The following FNTB variants were observed in gnomAD, a reference collection of about 807,000 sequenced individuals.
FNTB encodes the protein farnesyltransferase, CAAX box, subunit beta.
In FNTB, 27 loss-of-function variants were observed where a neutral mutation model predicts 59.4. That is an observed-to-expected ratio of 0.45 (90% CI 0.34 to 0.63). FNTB has a LOEUF of 0.63. Ranked by LOEUF, FNTB falls within the 20% of genes least tolerant of loss-of-function variation. The pLI, the probability that FNTB is intolerant of heterozygous loss-of-function variation, is 0.02. For missense variants in FNTB, 449 were observed against 559.6 expected (o/e 0.80, Z 1.99); for synonymous variants, 230 against 220.7 (o/e 1.04, Z -0.37).
intron 3 of FNTB, among the ~76,000 whole-genome samples, chr14:65,013,859 T>C (rs894013490): frequency 1.3e-5 from 2 of 152,214 alleles, no homozygotes; most frequent in African/African-American, 2.4e-5. Context: ...CATTCTCTTA[T>C]TTAAATCTTG....
chr14:64,996,883 A>G (rs1888416984), intron 1 of FNTB, among the ~76,000 whole-genome samples: 1 of 149,770 alleles, frequency 6.7e-6, no homozygotes, highest in Admixed American at 6.8e-5. Context: ...CACCCTTCCC[A>G]GAAGCAGCCC....
rs139766498 is a variant in FNTB at position 65,045,777 on chromosome 14, C to T, written c.955+1334C>T. On this transcript the variant is annotated intron_variant, in intron 9 of 11. Coordinates refer to ENST00000246166, the MANE Select transcript of FNTB (RefSeq NM_002028.4). ...GTTGTTGAGTTGTGACCATTTCTGACACTGAATTAAAGTAAGCAGAGCCTC... is the reference window on the plus strand; with the variant it reads ...GTTGTTGAGTTGTGACCATTTCTGATACTGAATTAAAGTAAGCAGAGCCTC... 7.1e-3 allele frequency among the ~76,000 whole-genome samples: 1,084 copies of T among 152,208 alleles called. 13 individuals carry two copies. Among genetic ancestry groups the T allele is most frequent in the African/African-American group, 0.025 (1,020 of 41,508 alleles).
rs943919482 is a variant in FNTB, at chr14:64,990,763, A to T, written c.144+3666A>T. Among the ~76,000 whole-genome samples, 4 of 152,162 alleles carry T rather than the reference A, an allele frequency of 2.6e-5. No individual in the cohort carries two copies. Among genetic ancestry groups the T allele is most frequent in the African/African-American group, 9.7e-5 (4 of 41,438 alleles). ...TCATTTAGGTTACTGTCAAGAGTAG[A>T]TGGTGGGGAGTGAGGGTGGATACAG... On this transcript the variant is annotated intron_variant, in intron 1 of 11. Coordinates refer to ENST00000246166, the MANE Select transcript of FNTB (RefSeq NM_002028.4). This position sits in a 1 kb window ranked among gnomAD's most constrained non-coding sequence, Gnocchi z 5.2.
At chr14:65,058,385 A>T (rs1355127857) in intron 11 of FNTB, among the ~76,000 whole-genome samples, 1 of 152,074 alleles carries the variant, frequency 6.6e-6, no homozygotes, top group Non-Finnish European at 1.5e-5. Context: ...AATATTTATA[A>T]ATCTTGTGTC....
rs2062342408 is a variant in FNTB at position 65,041,066 on chromosome 14, T to C, written c.822+147T>C. On this transcript the variant is annotated intron_variant, in intron 8 of 11. Transcript: ENST00000246166. ...CAACACAGAGGAAGGAGTGAGCAGC[T>C]GCTCTGTCTTGGCTCCCCCTTCTGC... The C allele has an allele frequency of 1.3e-5, 18 of 1,348,864 alleles. No individual in the cohort carries two copies. The Middle Eastern group carries it at 6.4e-4, about 48-fold the overall frequency. 83.6% of individuals were successfully genotyped at this position (1,348,864 alleles called of 1,614,324 possible).
At chr14:65,022,387 A>G (rs2061905772) in intron 4 of FNTB, among the ~76,000 whole-genome samples, 1 of 151,810 alleles carries the variant, frequency 6.6e-6, no homozygotes, top group Non-Finnish European at 1.5e-5. Flanking sequence ...TCTAGTGCTG[A>G]AGTTTTTTAT....
At position 65,055,985 on chromosome 14, in the gene FNTB, GT is replaced by G. The variant is rs200188229; in HGVS notation, c.1182+1304del. The stretch of plus-strand genomic sequence containing the variant: ...TTGCCTCTTATGTAGCCCTCTTCCA[GT>G]TTTTTTTCCTCCCTCCTTCTCCAGA... On this transcript the variant is annotated intron_variant, in intron 11 of 11. Coordinates refer to ENST00000246166, the MANE Select transcript of FNTB (RefSeq NM_002028.4). Among the ~76,000 whole-genome samples the G allele has an allele frequency of 4.2e-3, 636 of 152,020 alleles. 10 individuals are homozygous for G. Among genetic ancestry groups the G allele is most frequent in the East Asian group, 0.04 (209 of 5,174 alleles).
In FNTB at chr14:65,029,269, AT is replaced by A; in HGVS notation, c.605+1493del. On this transcript the variant is annotated intron_variant, in intron 6 of 11. Transcript: ENST00000246166. The surrounding 1 kb of genome is among the most constrained non-coding windows in gnomAD (Gnocchi z 4.7). ...TGGTTTCTAGTACCCCGATTCCATC[AT>A]TTTTCACTTGGCATTTCTTTCATTG... 6.6e-6 allele frequency among the ~76,000 whole-genome samples: 1 copy of A among 152,274 alleles called. No homozygotes were observed. The highest frequency in any genetic ancestry group is 2.1e-4 in the South Asian group (1 of 4,822).
At chr14:65,051,631 A>G (rs1221380413) in intron 9 of FNTB, among the ~76,000 whole-genome samples, 3 of 151,806 alleles carry the variant, frequency 2.0e-5, no homozygotes, top group African/African-American at 7.3e-5. Flanking sequence ...AAAAAAAAGG[A>G]AATATTCAAC....
Position 65,023,920 on chromosome 14 carries a change from G to A in FNTB, c.375-3533G>A, listed in dbSNP as rs746476588. On this transcript the variant is annotated intron_variant, in intron 4 of 11. Transcript: ENST00000246166. This position sits in a 1 kb window ranked among gnomAD's most constrained non-coding sequence, Gnocchi z 4.1. ...GTTCGAGACCAGCCTGGGCAACACA[G>A]TGAAACCCTGACTCTACTAAAAAAT... Among the ~76,000 whole-genome samples the A allele has an allele frequency of 6.6e-6, 1 of 152,116 alleles. No individual in the cohort carries two copies. Among genetic ancestry groups the A allele is most frequent in the Non-Finnish European group, 1.5e-5 (1 of 68,026 alleles).
At chr14:65,019,412 G>A (rs1013735494) in intron 4 of FNTB, among the ~76,000 whole-genome samples, 2 of 151,448 alleles carry the variant, frequency 1.3e-5, no homozygotes, top group African/African-American at 4.9e-5. Flanking sequence ...GCTTGAATCC[G>A]GGAGGCAGAG....
At chr14:65,022,124 G>C (rs913783948) in intron 4 of FNTB, 13 of 454,316 alleles carry the variant, frequency 2.9e-5, no homozygotes, top group Non-Finnish European at 5.3e-5. Context: ...ACCTAGGGAA[G>C]GAGATTTCCT....
Position 64,987,091 on chromosome 14 carries a change from A to C in FNTB, c.138A>C (p.Ile46=), listed in dbSNP as rs759929939. 2 of 1,614,202 alleles carry C rather than the reference A, an allele frequency of 1.2e-6. No homozygotes were observed. Among genetic ancestry groups the C allele is most frequent in the Non-Finnish European group, 1.7e-6 (2 of 1,180,034 alleles). ...ACTCGGTGGAAACAGTCACGTCCATAGAACAGGTGAGGTGGCAGGACTGGG... is the reference window on the plus strand; with the variant it reads ...ACTCGGTGGAAACAGTCACGTCCATCGAACAGGTGAGGTGGCAGGACTGGG... The part of the protein sequence containing the change: ...QDDSVETVTS[I]EQAKVEEKIQ... Residue 46 remains isoleucine, a synonymous_variant, in exon 1 of 12, where the codon ATA becomes ATC. Coordinates refer to ENST00000246166, the MANE Select transcript of FNTB (RefSeq NM_002028.4).
rs778200008 is a variant in FNTB at position 65,000,838 on chromosome 14, A to AAAAAAAAAAAAAAAAAAAAAAAG, written c.145-3408_145-3407insAAAAAAAAAAAAAAAAAAAGAAA. On this transcript the variant is annotated intron_variant, in intron 1 of 11. Coordinates refer to ENST00000246166, the MANE Select transcript of FNTB (RefSeq NM_002028.4). ...CTCAAAAAAAAAAAAAAAAAAAAAA[A>AAAAAAAAAAAAAAAAAAAAAAAG]AAAGAATAGTTACCCAAAAAGCTGG... Among the ~76,000 whole-genome samples the AAAAAAAAAAAAAAAAAAAAAAAG allele has an allele frequency of 7.4e-3, 854 of 115,932 alleles. 80 individuals carry two copies. The highest frequency in any genetic ancestry group is 0.013 in the Non-Finnish European group (648 of 49,638). 76.1% of individuals were successfully genotyped at this position (115,932 alleles called of 152,430 possible).
At chr14:64,987,275 T>G (rs973571136) in intron 1 of FNTB, 178 bp downstream of exon 1, 13 of 697,506 alleles carry the variant, frequency 1.9e-5, no homozygotes, top group Admixed American at 5.7e-5. Context: ...GTGGAGCGTT[T>G]GCGCGGCCAG....
rs2061614682 is a variant in FNTB, at chr14:65,007,607, G to A, written c.209+3294G>A. Among the ~76,000 whole-genome samples, 1 of 152,202 alleles carries A rather than the reference G, an allele frequency of 6.6e-6. No individual in the cohort carries two copies. The highest frequency in any genetic ancestry group is 6.5e-5 in the Admixed American group (1 of 15,280). On this transcript the variant is annotated intron_variant, in intron 2 of 11. Coordinates refer to ENST00000246166, the MANE Select transcript of FNTB (RefSeq NM_002028.4). The surrounding 1 kb of genome is among the most constrained non-coding windows in gnomAD (Gnocchi z 4.9). ...GATTTTCTTCTCTAAGGTTGGGACT[G>A]TCTACCTGGAGTGAGGTAGTCAGTC...
intron 2 of FNTB, among the ~76,000 whole-genome samples, chr14:65,008,459 C>T (rs915041680): frequency 6.6e-6 from 1 of 152,198 alleles, no homozygotes; most frequent in Non-Finnish European, 1.5e-5. Flanking sequence ...GGCTCTTGGT[C>T]TAGTGGGGGA....
chr14:65,050,034 A>G (rs746239310), intron 9 of FNTB, among the ~76,000 whole-genome samples: 1 of 152,228 alleles, frequency 6.6e-6, no homozygotes, highest in Non-Finnish European at 1.5e-5. Flanking sequence ...TTAAACTCAC[A>G]TAACCAAAAC....
At position 65,044,566 on chromosome 14, in the gene FNTB, T is replaced by G; in HGVS notation, c.955+123T>G. 7.1e-7 allele frequency: 1 copy of G among 1,413,148 alleles called. No individual in the cohort carries two copies. Among genetic ancestry groups the G allele is most frequent in the Non-Finnish European group, 9.4e-7 (1 of 1,067,242 alleles). The allele number at this position is 1,413,148 out of a possible 1,614,324, so 87.5% of individuals were successfully genotyped here. On this transcript the variant is annotated intron_variant, in intron 9 of 11. Coordinates refer to ENST00000246166, the MANE Select transcript of FNTB (RefSeq NM_002028.4). This position sits in a 1 kb window ranked among gnomAD's most constrained non-coding sequence, Gnocchi z 5.5. ...AGCTCTGTCTATCCTGGATTTTGAG[T>G]GCCCAGTGTGGAACCTCATGCCGTG...
Sources: gnomAD v4.1 joint callset for allele counts (sites outside exome capture counted in the v4.1 genomes callset) on GRCh38, gnomAD v4.1.1 for gene constraint, Gnocchi (gnomAD v3.1) non-coding constraint, MANE v1.5 for transcripts, NCBI Gene and HGNC (gene_info 2026-07-23, HGNC 2026-07-21) for gene names.